Variants in RGL1 observed in about 807,000 individuals in gnomAD.
RGL1 encodes ral guanine nucleotide dissociation stimulator-like 1.
Under a neutral mutation model 95.2 loss-of-function variants are expected in RGL1, and 24 were observed. The ratio of observed to expected loss-of-function variants is 0.25; its 90% CI spans 0.18 to 0.35. RGL1 has a LOEUF of 0.35. RGL1 is among the 10% of genes least tolerant of loss of function. The probability of loss-of-function intolerance (pLI) is 1.00; values close to 1 mark genes in which losing one functional copy is unlikely to be tolerated. For synonymous variants in RGL1, 329 were observed against 344.9 expected (o/e 0.95, Z 0.51); for missense variants, 715 against 936.3 (o/e 0.76, Z 3.08).
At chr1:183,767,907 A>C (rs1189842818) in intron 2 of RGL1, among the ~76,000 whole-genome samples, 11 of 152,144 alleles carry the variant, frequency 7.2e-5, no homozygotes, top group Admixed American at 7.2e-4. Flanking sequence ...GAGCTGAGAC[A>C]GTGCCACTGC....
intron 1 of RGL1, among the ~76,000 whole-genome samples, chr1:183,713,151 G>A (rs574822604): frequency 6.6e-6 from 1 of 151,922 alleles, no homozygotes; most frequent in Non-Finnish European, 1.5e-5. Flanking sequence ...TCAGCCTCCC[G>A]AGTAGCTGAG....
At chr1:183,733,940 A>G (rs1464835284) in intron 1 of RGL1, among the ~76,000 whole-genome samples, 6 of 152,228 alleles carry the variant, frequency 3.9e-5, no homozygotes, top group Non-Finnish European at 7.3e-5. Flanking sequence ...CTCACTCTAC[A>G]TGCTCTCCCA....
At chr1:183,782,083 C>T (rs1349763923) in intron 2 of RGL1, among the ~76,000 whole-genome samples, 1 of 152,160 alleles carries the variant, frequency 6.6e-6, no homozygotes, top group Non-Finnish European at 1.5e-5. Context: ...AATCTTCTTT[C>T]ACACCTTACA....
At chr1:183,796,082 C>T (rs1660683987) in intron 2 of RGL1, among the ~76,000 whole-genome samples, 1 of 151,704 alleles carries the variant, frequency 6.6e-6, no homozygotes, top group Admixed American at 6.6e-5. Context: ...ATGTATGCTC[C>T]TGAGCACTGT....
intron 5 of RGL1, among the ~76,000 whole-genome samples, chr1:183,882,347 G>A (rs1053525146): frequency 2.6e-5 from 4 of 152,210 alleles, no homozygotes; most frequent in Non-Finnish European, 2.9e-5. Context: ...CTTGACTGAA[G>A]TGGGTTAGGC....
At chr1:183,640,756 T>C (rs1649870862) in intron 1 of RGL1, among the ~76,000 whole-genome samples, 2 of 152,242 alleles carry the variant, frequency 1.3e-5, no homozygotes, top group African/African-American at 4.8e-5. Context: ...ATTTACATCT[T>C]CTTTTCTAAT....
intron 3 of RGL1, among the ~76,000 whole-genome samples, chr1:183,850,448 A>T (rs927732292): frequency 6.6e-6 from 1 of 152,226 alleles, no homozygotes; most frequent in African/African-American, 2.4e-5. Context: ...GGTTATTGAC[A>T]ATAGTGGGTT....
At chr1:183,723,490 C>T (rs916087260) in intron 1 of RGL1, among the ~76,000 whole-genome samples, 9 of 152,218 alleles carry the variant, frequency 5.9e-5, no homozygotes, top group Non-Finnish European at 1.3e-4. Context: ...CAAAGAGAAT[C>T]TGTGCTCTTG....
intron 2 of RGL1, among the ~76,000 whole-genome samples, chr1:183,776,438 G>A (rs979780225): frequency 2.8e-4 from 43 of 152,054 alleles, no homozygotes; most frequent in African/African-American, 9.4e-4. Context: ...GTGAGCCACC[G>A]CGCCCGGCCA....
intron 1 of RGL1, among the ~76,000 whole-genome samples, chr1:183,678,513 A>C (rs1038334482): frequency 3.3e-5 from 5 of 152,200 alleles, no homozygotes; most frequent in Non-Finnish European, 4.4e-5. Flanking sequence ...GTGAATGGCC[A>C]ACACATATTA....
chr1:183,681,732 A>G (rs552358419), intron 1 of RGL1, among the ~76,000 whole-genome samples: 25 of 152,324 alleles, frequency 1.6e-4, no homozygotes, highest in Admixed American at 1.5e-3. Context: ...ATTGTTTGGA[A>G]TAGTTTCAGA....
chr1:183,698,090 G>A lies in RGL1; in HGVS notation c.-32-44036G>A, dbSNP rs189979073. Among the ~76,000 whole-genome samples the A allele has an allele frequency of 9.4e-4, 143 of 152,198 alleles. No homozygotes were observed. In the Middle Eastern group the frequency reaches 0.01, roughly 11 times the overall value. ...GAGCCAGCTCACACCAGTTCATGAG[G>A]GACAATTTTGTTTATTTTTTTCAAC... On this transcript the variant is annotated intron_variant, in intron 1 of 18. Coordinates refer to the RGL1 transcript ENST00000304685.
chr1:183,873,836 G>A (rs1205170866), intron 4 of RGL1, among the ~76,000 whole-genome samples: 1 of 152,198 alleles, frequency 6.6e-6, no homozygotes, highest in Non-Finnish European at 1.5e-5. Flanking sequence ...GGAAGGAGAT[G>A]GGTTGAAGAA....
intron 2 of RGL1, among the ~76,000 whole-genome samples, chr1:183,830,501 T>C (rs1431383838): frequency 2.0e-5 from 3 of 152,316 alleles, no homozygotes; most frequent in African/African-American, 7.2e-5. Flanking sequence ...ATACTCCCAC[T>C]TGGAGTGGTA....
chr1:183,906,930 C>T lies in RGL1; in HGVS notation c.1473-82C>T, dbSNP rs139582237. ...TGAACAATTAGAGCCTTCTCTAAAACAAAACCAGGACATCATGTGAATTTA... is the reference window on the plus strand; with the variant it reads ...TGAACAATTAGAGCCTTCTCTAAAATAAAACCAGGACATCATGTGAATTTA... On this transcript the variant is annotated intron_variant, in intron 13 of 17. Coordinates refer to ENST00000360851, the MANE Select transcript of RGL1 (RefSeq NM_001297671.3). The T allele has an allele frequency of 6.6e-4, 542 of 820,056 alleles. 1 individual carries two copies. The highest frequency in any genetic ancestry group is 2.4e-3 in the Middle Eastern group (11 of 4,570). 50.8% of individuals were successfully genotyped at this position (820,056 alleles called of 1,614,324 possible).
At chr1:183,669,450 T>C (rs1247694983) in intron 1 of RGL1, among the ~76,000 whole-genome samples, 2 of 152,250 alleles carry the variant, frequency 1.3e-5, no homozygotes, top group Non-Finnish European at 2.9e-5. Context: ...CCATAGTCCA[T>C]AGAAGCATTA....
chr1:183,744,045 G>A (rs1572357729), intron 2 of RGL1, among the ~76,000 whole-genome samples: 1 of 152,288 alleles, frequency 6.6e-6, no homozygotes, highest in African/African-American at 2.4e-5. Flanking sequence ...ATTCTGCTCA[G>A]GATGCAAAGC....
chr1:183,892,118 C>G lies in RGL1; in HGVS notation c.1097C>G (p.Ser366Ter). Reference protein sequence around the residue: ...LMFEELSDIFSDHNNHLTSRE... With the variant: ...LMFEELSDIF ...TTTGAAGAACTTTCAGATATCTTCT[C>G]AGACCATAATAACCATTTGACCAGC... The change falls in exon 9 of 18, where the codon TCA becomes TGA. Residue 366 changes from serine to a stop codon, truncating the protein, a stop_gained. Transcript: ENST00000360851. LOFTEE classifies it high-confidence loss of function. The G allele has an allele frequency of 6.2e-7, 1 of 1,613,000 alleles. No homozygotes were observed. The highest frequency in any genetic ancestry group is 8.5e-7 in the Non-Finnish European group (1 of 1,179,400).
intron 1 of RGL1, among the ~76,000 whole-genome samples, chr1:183,661,722 C>T (rs1212561504): frequency 2.0e-5 from 3 of 149,906 alleles, no homozygotes; most frequent in African/African-American, 7.6e-5. Flanking sequence ...CCAGCATCAT[C>T]CTGATATCAA....
Sources: allele counts gnomAD v4.1 joint callset (sites outside exome capture counted in the v4.1 genomes callset), GRCh38; gene constraint gnomAD v4.1.1; transcripts MANE v1.5; gene names NCBI Gene and HGNC (gene_info 2026-07-23, HGNC 2026-07-21).